Variants in ZDHHC23 observed in about 807,000 individuals in gnomAD.
ZDHHC23 encodes zDHHC palmitoyltransferase 23.
In ZDHHC23, 41 loss-of-function variants were observed where a neutral mutation model predicts 40.2. That is an observed-to-expected ratio of 1.02 (90% confidence interval 0.79 to 1.32). The LOEUF (loss-of-function observed/expected upper bound fraction) is 1.32, where lower values mean the gene tolerates loss of function less well. Among genes scored for constraint, ZDHHC23 ranks in the 40% most tolerant of loss-of-function variants. The pLI, the probability that ZDHHC23 is intolerant of heterozygous loss-of-function variation, is 0.00. For missense variants in ZDHHC23, 471 were observed against 541.5 expected (o/e 0.87, Z 1.29); for synonymous variants, 204 against 210.2 (o/e 0.97, Z 0.26).
chr3:113,977,280 T>G, the ZDHHC23 span, among the ~76,000 whole-genome samples: 2 of 151,954 alleles, frequency 1.3e-5, no homozygotes, highest in Non-Finnish European at 2.9e-5. Context: ...CAGAGTAATG[T>G]TGAGAAAAGG....
chr3:113,975,185 T>TATAA, the ZDHHC23 span, among the ~76,000 whole-genome samples: 1 of 152,216 alleles, frequency 6.6e-6, no homozygotes, highest in African/African-American at 2.4e-5. Flanking sequence ...TCAGACATAT[T>TATAA]ATAAATACTG....
chr3:113,973,262 C>T, the ZDHHC23 span, among the ~76,000 whole-genome samples: 1 of 152,144 alleles, frequency 6.6e-6, no homozygotes, highest in East Asian at 1.9e-4. Context: ...TATATTACCT[C>T]TTAGCAGGCT....
In ZDHHC23 at chr3:113,961,243, C is replaced by T. The variant is rs9816344; in HGVS notation, c.*2613C>T. 0.52 allele frequency: 80,132 copies of T among 153,492 alleles called. 21,583 individuals carry two copies. The highest frequency in any genetic ancestry group is 0.6 in the Middle Eastern group (179 of 296). The allele number at this position is 153,492 out of a possible 1,614,324, so 9.5% of individuals were successfully genotyped here. ...AAGCAGGTCCTCTTCTCTCATCTCA[C>T]GTCCTTAGTCTCTGTTAATGAACAT... On this transcript the variant is annotated 3_prime_UTR_variant, in exon 5 of 5. Transcript: ENST00000638807.
At chr3:113,952,834 C>G (rs1281424929) in intron 2 of ZDHHC23, among the ~76,000 whole-genome samples, 1 of 152,206 alleles carries the variant, frequency 6.6e-6, no homozygotes, top group Non-Finnish European at 1.5e-5. Context: ...AAGGAGCAAA[C>G]AGGCTCCCTT....
At chr3:113,971,933 C>A in the ZDHHC23 span, among the ~76,000 whole-genome samples, 1 of 151,948 alleles carries the variant, frequency 6.6e-6, no homozygotes, top group Admixed American at 6.6e-5. Flanking sequence ...AGAAATTTAT[C>A]CATTTCTTCT....
chr3:113,959,352 A>C lies in ZDHHC23; in HGVS notation c.*722A>C. 1 of 1,110,246 alleles carries C rather than the reference A, an allele frequency of 9.0e-7. No homozygotes were observed. The highest frequency in any genetic ancestry group is 1.1e-6 in the Non-Finnish European group (1 of 889,822). 68.8% of individuals were successfully genotyped at this position (1,110,246 alleles called of 1,614,324 possible). Reference sequence around the variant, plus strand: ...TTGATGCTAAGTTGTCTCATCTTGAAAAGACAGTTGACAACAGTTATAAAG... The same window carrying C: ...TTGATGCTAAGTTGTCTCATCTTGACAAGACAGTTGACAACAGTTATAAAG... On this transcript the variant is annotated 3_prime_UTR_variant, in exon 5 of 5. Coordinates refer to ENST00000638807, the MANE Select transcript of ZDHHC23 (RefSeq NM_001320466.2).
At chr3:113,976,485 C>T in the ZDHHC23 span, among the ~76,000 whole-genome samples, 1 of 151,980 alleles carries the variant, frequency 6.6e-6, no homozygotes, top group Non-Finnish European at 1.5e-5. Flanking sequence ...ATGACATCTC[C>T]CCACATCCAA....
At position 113,961,136 on chromosome 3, in the gene ZDHHC23, G is replaced by A. The variant is rs904482533; in HGVS notation, c.*2506G>A. 2.7e-4 allele frequency: 48 copies of A among 176,076 alleles called. No homozygotes were observed. Among genetic ancestry groups the A allele is most frequent in the South Asian group, 1.9e-4 (1 of 5,186 alleles). 10.9% of individuals were successfully genotyped at this position (176,076 alleles called of 1,614,324 possible). A position where few individuals can be genotyped will look rare whatever the true frequency, so the allele number is the denominator to read the frequency against. ...TCCCAGGGAAGCATTTGGTGGTGGCGGCAGTGGAGGATTGCCCGGTGAACC... is the reference window on the plus strand; with the variant it reads ...TCCCAGGGAAGCATTTGGTGGTGGCAGCAGTGGAGGATTGCCCGGTGAACC... On this transcript the variant is annotated 3_prime_UTR_variant, in exon 5 of 5. Transcript: ENST00000638807.
rs754865179 is a variant in ZDHHC23 at position 113,957,901 on chromosome 3, C to T, written c.1041-462C>T. The T allele has an allele frequency of 8.1e-6, 4 of 496,826 alleles. No homozygotes were observed. The Admixed American group carries it at 8.6e-5, about 11-fold the overall frequency. The allele number at this position is 496,826 out of a possible 1,614,324, so 30.8% of individuals were successfully genotyped here. A position where few individuals can be genotyped will look rare whatever the true frequency, so the allele number is the denominator to read the frequency against. On this transcript the variant is annotated intron_variant, in intron 4 of 4. Transcript: ENST00000638807. ...GGAGTCGTCCATCGTCTTTTCATTC[C>T]TCAGCATTGGACTGGAAAGAATGGA...
chr3:113,959,218 A>C lies in ZDHHC23; in HGVS notation c.*588A>C, dbSNP rs1257149088. 3.8e-6 allele frequency: 4 copies of C among 1,065,094 alleles called. No individual in the cohort carries two copies. Among genetic ancestry groups the C allele is most frequent in the Non-Finnish European group, 4.6e-6 (4 of 874,296 alleles). 66.0% of individuals were successfully genotyped at this position (1,065,094 alleles called of 1,614,324 possible). On this transcript the variant is annotated 3_prime_UTR_variant, in exon 5 of 5. Coordinates refer to ENST00000638807, the MANE Select transcript of ZDHHC23 (RefSeq NM_001320466.2). Reference sequence around the variant, plus strand: ...GTTTATAGTCTAGAATATTGAAGCCAATATTATTAGGGTAATCAGTTTTCA... The same window carrying C: ...GTTTATAGTCTAGAATATTGAAGCCCATATTATTAGGGTAATCAGTTTTCA...
Position 113,959,564 on chromosome 3 carries a change from C to T in ZDHHC23, c.*934C>T. 1 of 1,264,322 alleles carries T rather than the reference C, an allele frequency of 7.9e-7. No homozygotes were observed. The highest frequency in any genetic ancestry group is 1.3e-5 in the South Asian group (1 of 78,804). 78.3% of individuals were successfully genotyped at this position (1,264,322 alleles called of 1,614,324 possible). ...TGTGACTGTGGCTGGAAGAGGAGAACAGACACTCCTGTGGGGATGCTTTAC... is the reference window on the plus strand; with the variant it reads ...TGTGACTGTGGCTGGAAGAGGAGAATAGACACTCCTGTGGGGATGCTTTAC... On this transcript the variant is annotated 3_prime_UTR_variant, in exon 5 of 5. Coordinates refer to ENST00000638807, the MANE Select transcript of ZDHHC23 (RefSeq NM_001320466.2).
rs72954683 is a variant in ZDHHC23, at chr3:113,954,032, G to A, written c.494G>A (p.Arg165His). Reference sequence around the variant, plus strand: ...CTGCAGGAAGTGGTCCCCAAAGGGCGTGTGGGTCCCGTTCAGCTGGCGGTT... The same window carrying A: ...CTGCAGGAAGTGGTCCCCAAAGGGCATGTGGGTCCCGTTCAGCTGGCGGTT... ...VFLQEVVPKG[R>H]VGPVQLAVLT... The change falls in exon 3 of 5, where the codon CGT (arginine) becomes CAT (histidine). Residue 165 changes from arginine (R) to histidine (H), a missense_variant. Around this residue, in one of 3 missense-constraint regions of ZDHHC23, gnomAD observed 346 missense variants for 399.8 expected, o/e 0.87. Coordinates refer to ENST00000638807, the MANE Select transcript of ZDHHC23 (RefSeq NM_001320466.2). The A allele has an allele frequency of 2.2e-3, 3,631 of 1,614,090 alleles. 72 individuals are homozygous for A. In the African/African-American group the frequency reaches 0.043, roughly 19 times the overall value.
chr3:113,979,028 T>G, the ZDHHC23 span: 1 of 1,608,258 alleles, frequency 6.2e-7, no homozygotes, highest in Non-Finnish European at 8.5e-7. Flanking sequence ...ATTTTTTAAA[T>G]GAGAAATATT....
rs1938973022 is a variant in ZDHHC23 at position 113,954,360 on chromosome 3, C to G, written c.822C>G (p.His274Gln). 1.2e-6 allele frequency: 2 copies of G among 1,611,920 alleles called. No homozygotes were observed. The highest frequency in any genetic ancestry group is 8.5e-7 in the Non-Finnish European group (1 of 1,178,892). The change falls in exon 3 of 5, where the codon CAC becomes CAG. Residue 274 changes from histidine to glutamine, a missense_variant. His to Gln is a conservative substitution (Grantham distance 24, BLOSUM62 0). This residue lies in a region of ZDHHC23 where 346 missense variants were observed against 399.8 expected (regional missense o/e 0.87). Transcript: ENST00000638807. ...CQLVRPARAW[H>Q]CRICGICVRR... is the part of the protein sequence containing the mutation. ...TGGTGCGACCAGCCCGGGCATGGCA[C>G]TGCCGGATATGTGGCATCTGTGTGA... is the stretch of plus-strand genomic sequence containing the variant.
intron 2 of ZDHHC23, among the ~76,000 whole-genome samples, chr3:113,949,279 GT>G (rs1409599097): frequency 6.6e-6 from 1 of 152,240 alleles, no homozygotes; most frequent in Admixed American, 6.5e-5. Flanking sequence ...GAATCTGTAA[GT>G]TTAAAATGAA....
chr3:113,977,802 T>G, the ZDHHC23 span, among the ~76,000 whole-genome samples: 1 of 152,216 alleles, frequency 6.6e-6, no homozygotes, highest in African/African-American at 2.4e-5. Context: ...TAAGCACTTT[T>G]CTATATTTGT....
chr3:113,959,964 TTAAGA>T lies in ZDHHC23; in HGVS notation c.*1336_*1340del. On this transcript the variant is annotated 3_prime_UTR_variant, in exon 5 of 5. Coordinates refer to ENST00000638807, the MANE Select transcript of ZDHHC23 (RefSeq NM_001320466.2). ...TACAATGGGTTGTTCTACTATAGAA[TTAAGA>T]TGAGGGAATTTCAGATGAGGAAAAT... 1.0e-6 allele frequency: 1 copy of T among 991,252 alleles called. No individual in the cohort carries two copies. Among genetic ancestry groups the T allele is most frequent in the Middle Eastern group, 5.2e-4 (1 of 1,912 alleles). 61.4% of individuals were successfully genotyped at this position (991,252 alleles called of 1,614,324 possible). A position where few individuals can be genotyped will look rare whatever the true frequency, so the allele number is the denominator to read the frequency against.
chr3:113,968,522 C>G (rs115487679), downstream of ZDHHC23, among the ~76,000 whole-genome samples: 3,558 of 151,110 alleles, frequency 0.024, 154 homozygotes, highest in African/African-American at 0.081. Context: ...GATGTTGGTT[C>G]ACTTCTACCT....
chr3:113,978,245 GACC>G, the ZDHHC23 span: 14 of 1,613,948 alleles, frequency 8.7e-6, no homozygotes, highest in Non-Finnish European at 1.2e-5. Flanking sequence ...TCACCTCCCT[GACC>G]ATGTTAAACC....
Sources: gnomAD v4.1 joint callset for allele counts (sites outside exome capture counted in the v4.1 genomes callset) on GRCh38, gnomAD v4.1.1 for gene constraint, gnomAD v4.1.1 regional missense constraint, MANE v1.5 for transcripts, NCBI Gene and HGNC (gene_info 2026-07-23, HGNC 2026-07-21) for gene names.